Variants in ASCC1 observed in about 807,000 individuals in gnomAD.
ASCC1 encodes the protein ASC-1 complex subunit P50.
In ASCC1, 35 loss-of-function variants were observed where a neutral mutation model predicts 46.6. The ratio of observed to expected loss-of-function variants is 0.75; its 90% CI spans 0.57 to 0.99. The LOEUF is 0.99. Among genes scored for constraint, ASCC1 ranks in the 50% least tolerant of loss-of-function variants. ASCC1 has a pLI of 0.00. For synonymous variants in ASCC1, 143 were observed against 146.6 expected, an observed-to-expected ratio of 0.98 and a Z score of 0.18; for missense variants, 376 against 428.7, an observed-to-expected ratio of 0.88 and a Z score of 1.09.
intron 5 of ASCC1, chr10:72,189,998 T>C (rs1438605606): frequency 5.3e-6 from 4 of 757,540 alleles, no homozygotes; most frequent in African/African-American, 1.7e-5. Context: ...TGATGTCATG[T>C]GCTTTCTTCT....
At chr10:72,197,142 T>C (rs1827569878) in intron 4 of ASCC1, among the ~76,000 whole-genome samples, 153 bp from the exon 5 acceptor site, 2 of 152,134 alleles carry the variant, frequency 1.3e-5, no homozygotes, top group Non-Finnish European at 2.9e-5. Flanking sequence ...AGAAAACTGC[T>C]AATTAATTCA....
rs530948266 is a variant in ASCC1 at position 72,102,199 on chromosome 10, A to G, written c.958-4749T>C. 278 of 724,906 alleles carry G rather than the reference A, an allele frequency of 3.8e-4. 3 individuals are homozygous for G. In the African/African-American group the frequency reaches 4.6e-3, roughly 12 times the overall value. 44.9% of individuals were successfully genotyped at this position (724,906 alleles called of 1,614,324 possible). On this transcript the variant is annotated intron_variant, in intron 9 of 9. Transcript: ENST00000672957. ...ACTTTCTAGATGAGAAGGAGATGGA[A>G]AAATCAGTGATGATGGGTCCAATGG...
chr10:72,162,674 G>A (rs1378360076), intron 5 of ASCC1, among the ~76,000 whole-genome samples: 21 of 152,190 alleles, frequency 1.4e-4, no homozygotes. Flanking sequence ...CAGGCACAGT[G>A]GCTCACGCCT....
At position 72,097,466 on chromosome 10, in the gene ASCC1, A is replaced by G; in HGVS notation, c.958-16T>C. ...TCTCAAACAACTGAAAAGGAAGAAT[A>G]AAAACCCAGAATGAATATTTAAAGT... is the stretch of plus-strand genomic sequence containing the variant. On this transcript the variant is annotated splice_polypyrimidine_tract_variant and intron_variant, in intron 9 of 9. Coordinates refer to ENST00000672957, the MANE Select transcript of ASCC1 (RefSeq NM_001198800.3). 1 of 1,451,790 alleles carries G rather than the reference A, an allele frequency of 6.9e-7. No individual in the cohort carries two copies. The highest frequency in any genetic ancestry group is 9.7e-7 in the Non-Finnish European group (1 of 1,032,778). 89.9% of individuals were successfully genotyped at this position (1,451,790 alleles called of 1,614,324 possible). A position where few individuals can be genotyped will look rare whatever the true frequency, so the allele number is the denominator to read the frequency against.
rs112064205 is a variant in ASCC1 at position 72,121,820 on chromosome 10, G to A, written c.957+6262C>T. ...AGTTGGAGACTTTAACTAACCCCAT[G>A]TATCAGAAATGGACAGATCCAGAAG... On this transcript the variant is annotated intron_variant, in intron 9 of 9. Transcript: ENST00000672957. Among the ~76,000 whole-genome samples the A allele has an allele frequency of 2.8e-3, 421 of 152,310 alleles. 5 individuals carry two copies. The highest frequency in any genetic ancestry group is 9.3e-3 in the African/African-American group (388 of 41,576).
At chr10:72,112,357 G>T (rs75843515) in intron 9 of ASCC1, among the ~76,000 whole-genome samples, 3,813 of 152,210 alleles carry the variant, frequency 0.025, 71 homozygotes, top group Non-Finnish European at 0.041. Flanking sequence ...ACTTACATGA[G>T]GTACCTAGAG....
At chr10:72,163,788 G>T (rs955254155) in intron 5 of ASCC1, among the ~76,000 whole-genome samples, 1 of 151,722 alleles carries the variant, frequency 6.6e-6, no homozygotes, top group African/African-American at 2.4e-5. Context: ...TATACCTCAT[G>T]AATCCCTAAA....
rs1035471435 is a variant in ASCC1, at chr10:72,161,641, G to C, written c.523C>G (p.Pro175Ala). The C allele has an allele frequency of 1.9e-6, 3 of 1,614,060 alleles. No homozygotes were observed. Among genetic ancestry groups the C allele is most frequent in the Non-Finnish European group, 1.7e-6 (2 of 1,180,024 alleles). Residue 175 changes from proline (P) to alanine (A), a missense_variant, in exon 6 of 10, where the codon CCT (proline) becomes GCT (alanine). Pro to Ala is a conservative substitution (Grantham distance 27). Coordinates refer to ENST00000672957, the MANE Select transcript of ASCC1 (RefSeq NM_001198800.3). ...CCAATAGTTAGATGAAGCTTTTTAG[G>C]ATTCTGGAAAATGCTGCTGTCAACC... ...HGVDSSIFQNPKKLHLTIGML... is the reference protein window; with the variant it reads ...HGVDSSIFQNAKKLHLTIGML...
chr10:72,194,127 G>A (rs867791051), intron 5 of ASCC1, among the ~76,000 whole-genome samples: 32 of 151,602 alleles, frequency 2.1e-4, no homozygotes, highest in African/African-American at 7.5e-4. Context: ...CTCGTGATCT[G>A]CCCGCCTCAG....
intron 9 of ASCC1, among the ~76,000 whole-genome samples, chr10:72,100,946 G>T (rs780031498): frequency 6.6e-6 from 1 of 152,144 alleles, no homozygotes; most frequent in East Asian, 1.9e-4. Flanking sequence ...AAGGTCTAAT[G>T]TATCAGTTCC....
chr10:72,150,462 C>A (rs1848195758), intron 7 of ASCC1, among the ~76,000 whole-genome samples: 1 of 152,122 alleles, frequency 6.6e-6, no homozygotes, highest in Non-Finnish European at 1.5e-5. Flanking sequence ...AATAAAAAGA[C>A]CACACAAAAA....
intron 5 of ASCC1, among the ~76,000 whole-genome samples, chr10:72,196,196 C>T (rs1157477007): frequency 6.6e-6 from 1 of 151,696 alleles, no homozygotes; most frequent in Non-Finnish European, 1.5e-5. Flanking sequence ...AGAAGATCTA[C>T]AGATAATGGC....
intron 6 of ASCC1, among the ~76,000 whole-genome samples, chr10:72,155,686 G>A (rs1382941329): frequency 2.0e-5 from 3 of 152,030 alleles, no homozygotes; most frequent in Non-Finnish European, 2.9e-5. Context: ...AAATTAACAC[G>A]TATTACCTTT....
intron 9 of ASCC1, among the ~76,000 whole-genome samples, chr10:72,116,726 T>C (rs76915479): frequency 0.017 from 2,630 of 152,328 alleles, 25 homozygotes; most frequent in Non-Finnish European, 0.028. Context: ...AGATCTAGCA[T>C]TTCTATTTGG....
At chr10:72,147,535 G>C (rs1206327666) in intron 7 of ASCC1, among the ~76,000 whole-genome samples, 1 of 152,184 alleles carries the variant, frequency 6.6e-6, no homozygotes, top group Non-Finnish European at 1.5e-5. Flanking sequence ...TTACAGGCAT[G>C]AGCCACTGTG....
chr10:72,118,634 C>G (rs1843786377), intron 9 of ASCC1, among the ~76,000 whole-genome samples: 1 of 151,240 alleles, frequency 6.6e-6, no homozygotes. Flanking sequence ...ACAAAATTAG[C>G]CGGTCATGGT....
intron 9 of ASCC1, among the ~76,000 whole-genome samples, chr10:72,113,497 CA>C (rs1843150789): frequency 6.6e-6 from 1 of 152,232 alleles, no homozygotes; most frequent in South Asian, 2.1e-4. Context: ...CACTGACAGC[CA>C]TATCTTCAGA....
chr10:72,158,760 CT>C (rs1232179537), intron 6 of ASCC1, among the ~76,000 whole-genome samples: 1 of 152,204 alleles, frequency 6.6e-6, no homozygotes, highest in Non-Finnish European at 1.5e-5. Context: ...CTACAGCACA[CT>C]ATGTACAGGT....
chr10:72,197,295 C>A (rs1432279053), intron 4 of ASCC1, among the ~76,000 whole-genome samples: 1 of 151,574 alleles, frequency 6.6e-6, no homozygotes, highest in African/African-American at 2.4e-5. Flanking sequence ...CACAGTGAAA[C>A]CCCACCTCTA....
Sources: allele counts gnomAD v4.1 joint callset (sites outside exome capture counted in the v4.1 genomes callset), GRCh38; gene constraint gnomAD v4.1.1; transcripts MANE v1.5; gene names NCBI Gene and HGNC (gene_info 2026-07-23, HGNC 2026-07-21).